The following PGAM1 variants were observed in gnomAD, a reference collection of about 807,000 sequenced individuals.
PGAM1 encodes the protein BPG-dependent PGAM 1.
PGAM1 carries 21 observed loss-of-function variants against 23.5 expected under a neutral mutation model. That is an observed-to-expected ratio of 0.89 (90% CI 0.63 to 1.29). The LOEUF (loss-of-function observed/expected upper bound fraction) is 1.29. Among genes scored for constraint, PGAM1 ranks in the 50% most tolerant of loss-of-function variants. The pLI is 0.00. For missense variants in PGAM1, 232 were observed against 336.3 expected (o/e 0.69, Z 2.42); for synonymous variants, 109 against 128.6 (o/e 0.85, Z 1.03).
At chr10:97,427,934 T>C in intron 1 of PGAM1, 1 of 1,288,676 alleles carries the variant, frequency 7.8e-7, no homozygotes, top group Non-Finnish European at 1.0e-6. Flanking sequence ...GTCTGGTAAA[T>C]GTAAACCTCT....
In PGAM1 at chr10:97,432,542, A is replaced by T; in HGVS notation, c.*18A>T. On this transcript the variant is annotated 3_prime_UTR_variant, in exon 4 of 4. Coordinates refer to ENST00000334828, the MANE Select transcript of PGAM1 (RefSeq NM_002629.4). ...AGAAGTGAAGGCCGGCGGGGAGGAT[A>T]CTGTCCCCAGGAGCACCCTCCCTGC... 6.5e-7 allele frequency: 1 copy of T among 1,529,940 alleles called. No homozygotes were observed. The highest frequency in any genetic ancestry group is 9.0e-7 in the Non-Finnish European group (1 of 1,109,740). 94.8% of individuals were successfully genotyped at this position (1,529,940 alleles called of 1,614,324 possible). A position where few individuals can be genotyped will look rare whatever the true frequency, so the allele number is the denominator to read the frequency against.
rs112600126 is a variant in PGAM1, at chr10:97,426,937, A to G, written c.139+491A>G. On this transcript the variant is annotated intron_variant, in intron 1 of 3. Transcript: ENST00000334828. ...TAATCCCAGCTACTCGGGAGGCTGA[A>G]GCAGGAGAATCGCTTGAACCCGGGA... Among the ~76,000 whole-genome samples the G allele has an allele frequency of 3.9e-4, 59 of 152,312 alleles. 1 individual carries two copies. Among genetic ancestry groups the G allele is most frequent in the Admixed American group, 1.3e-3 (20 of 15,294 alleles).
rs774351285 is a variant in PGAM1 at position 97,426,295 on chromosome 10, C to G, written c.-13C>G. 12 of 1,609,858 alleles carry G rather than the reference C, an allele frequency of 7.5e-6. No individual in the cohort carries two copies. In the Middle Eastern group the frequency reaches 6.6e-4, roughly 88 times the overall value. On this transcript the variant is annotated 5_prime_UTR_variant, in exon 1 of 4. Coordinates refer to ENST00000334828, the MANE Select transcript of PGAM1 (RefSeq NM_002629.4). ...GCTAATCCCAGTCGGTGCCGCATCCCCAGCCCGCCGCCATGGCCGCCTACA... is the reference window on the plus strand; with the variant it reads ...GCTAATCCCAGTCGGTGCCGCATCCGCAGCCCGCCGCCATGGCCGCCTACA...
At position 97,426,249 on chromosome 10, in the gene PGAM1, C is replaced by A; in HGVS notation, c.-59C>A. On this transcript the variant is annotated 5_prime_UTR_variant, in exon 1 of 4. Transcript: ENST00000334828. ...GAGCGCGCAGGCGCGGCCGACGGGGCGGGCTGCTACTCCGGAATCTGCTAA... is the reference window on the plus strand; with the variant it reads ...GAGCGCGCAGGCGCGGCCGACGGGGAGGGCTGCTACTCCGGAATCTGCTAA... 2 of 1,608,030 alleles carry A rather than the reference C, an allele frequency of 1.2e-6. No individual in the cohort carries two copies. Among genetic ancestry groups the A allele is most frequent in the Admixed American group, 3.3e-5 (2 of 59,818 alleles).
intron 3 of PGAM1, 93 bp from the exon 4 acceptor site, chr10:97,432,262 G>A (rs1845478555): frequency 2.6e-6 from 4 of 1,544,786 alleles, no homozygotes; most frequent in Non-Finnish European, 3.6e-6. Flanking sequence ...TTTAATTTCT[G>A]TCAAAGTCCT....
chr10:97,427,724 C>T (rs1209433903), intron 1 of PGAM1: 54 of 1,252,764 alleles, frequency 4.3e-5, no homozygotes, highest in Non-Finnish European at 5.2e-5. Flanking sequence ...GCTGCCGGCA[C>T]GGCCAAGAAT....
At chr10:97,430,887 T>C (rs1306811066) in intron 2 of PGAM1, 68 bp from the exon 3 acceptor site, 3 of 1,597,800 alleles carry the variant, frequency 1.9e-6, no homozygotes, top group East Asian at 4.5e-5. Context: ...CCAAAATCGA[T>C]ACATCATGAA....
At position 97,426,420 on chromosome 10, in the gene PGAM1, C is replaced by T; in HGVS notation, c.113C>T (p.Ala38Val). Residue 38 changes from alanine (A) to valine (V), a missense_variant, in exon 1 of 4, where the codon GCG becomes GTG. Physicochemically the swap from Ala to Val is moderately conservative, Grantham distance 64. Transcript: ENST00000334828. ...ADLSPAGHEEAKRGGQALRDA... is the reference protein window; with the variant it reads ...ADLSPAGHEEVKRGGQALRDA... The stretch of plus-strand genomic sequence containing the variant: ...CTGAGCCCGGCGGGCCACGAGGAGG[C>T]GAAGCGCGGCGGGCAGGCGCTACGA... 6.9e-6 allele frequency: 11 copies of T among 1,602,764 alleles called. No individual in the cohort carries two copies. Among genetic ancestry groups the T allele is most frequent in the Non-Finnish European group, 8.5e-6 (10 of 1,175,814 alleles).
At chr10:97,430,262 TTTC>T in intron 1 of PGAM1, 114 bp from the exon 2 acceptor site, 1 of 1,271,766 alleles carries the variant, frequency 7.9e-7, no homozygotes, top group East Asian at 2.3e-5. Flanking sequence ...GGCCAAATAT[TTTC>T]TTTTTTGGCC....
chr10:97,426,223 C>G lies in PGAM1; in HGVS notation c.-85C>G. On this transcript the variant is annotated 5_prime_UTR_variant, in exon 1 of 4. Coordinates refer to ENST00000334828, the MANE Select transcript of PGAM1 (RefSeq NM_002629.4). ...TGCGCGGGAGCCGGACTGAGCGGTG[C>G]GAGCGCGCAGGCGCGGCCGACGGGG... The G allele has an allele frequency of 1.9e-6, 3 of 1,593,506 alleles. No individual in the cohort carries two copies. The highest frequency in any genetic ancestry group is 1.1e-5 in the South Asian group (1 of 90,136).
chr10:97,427,453 T>C (rs1845422958), intron 1 of PGAM1: 1 of 1,023,800 alleles, frequency 9.8e-7, no homozygotes, highest in Admixed American at 5.4e-5. Context: ...ATCTTTCTCA[T>C]CTTTCCAAGG....
At chr10:97,431,281 AC>A in intron 3 of PGAM1, 146 bp downstream of exon 3, 1 of 956,324 alleles carries the variant, frequency 1.0e-6, no homozygotes, top group Non-Finnish European at 1.6e-6. Context: ...GTGAAAAAAC[AC>A]CCTCAACCCT....
At chr10:97,430,105 G>A (rs374881900) in intron 1 of PGAM1, among the ~76,000 whole-genome samples, 1 of 151,938 alleles carries the variant, frequency 6.6e-6, no homozygotes, top group African/African-American at 2.4e-5. Flanking sequence ...CAAACATCAG[G>A]ATCCTTGGGA....
intron 2 of PGAM1, 37 bp from the exon 3 acceptor site, chr10:97,430,918 C>G (rs372246395): frequency 2.0e-5 from 33 of 1,612,426 alleles, no homozygotes; most frequent in South Asian, 1.6e-4. Context: ...AGATGTAACT[C>G]TTAATAAGTG....
intron 1 of PGAM1, among the ~76,000 whole-genome samples, chr10:97,429,968 C>T (rs1310468897): frequency 2.6e-5 from 4 of 151,536 alleles, no homozygotes; most frequent in Non-Finnish European, 5.9e-5. Context: ...ATTGCTTGAA[C>T]CCGGGAGGCG....
At chr10:97,431,608 A>G (rs1453670906) in intron 3 of PGAM1, among the ~76,000 whole-genome samples, 3 of 152,168 alleles carry the variant, frequency 2.0e-5, no homozygotes, top group African/African-American at 7.2e-5. Context: ...GTAAGACTGC[A>G]TCTCTACAAA....
rs1283756474 is a variant in PGAM1 at position 97,433,145 on chromosome 10, C to T, written c.*621C>T. On this transcript the variant is annotated 3_prime_UTR_variant, in exon 4 of 4. Transcript: ENST00000334828. ...ATAACCCTTCTGGGGTTTCTTGTGG[C>T]GGTTGAAATAGTCCCACATGTGGTC... 2 of 152,066 alleles carry T rather than the reference C, an allele frequency of 1.3e-5. No homozygotes were observed. The highest frequency in any genetic ancestry group is 1.9e-4 in the East Asian group (1 of 5,144). 9.4% of individuals were successfully genotyped at this position (152,066 alleles called of 1,614,324 possible). A position where few individuals can be genotyped will look rare whatever the true frequency, so the allele number is the denominator to read the frequency against.
At chr10:97,432,128 A>G (rs1039143866) in intron 3 of PGAM1, among the ~76,000 whole-genome samples, 3 of 152,090 alleles carry the variant, frequency 2.0e-5, no homozygotes, top group Admixed American at 2.0e-4. Context: ...ACCTTGCTGT[A>G]GTTTGTTGGT....
chr10:97,428,050 C>G, intron 1 of PGAM1: 1 of 666,306 alleles, frequency 1.5e-6, no homozygotes, highest in South Asian at 1.6e-5. Flanking sequence ...AGGCCATTTT[C>G]TTTAGCTCTG....
Sources: allele counts gnomAD v4.1 joint callset (sites outside exome capture counted in the v4.1 genomes callset), GRCh38; gene constraint gnomAD v4.1.1; transcripts MANE v1.5; gene names NCBI Gene and HGNC (gene_info 2026-07-23, HGNC 2026-07-21).